The following SH2B2 variants were observed in gnomAD, a reference collection of about 807,000 sequenced individuals.
SH2B2 encodes the protein SH2B adapter protein 2.
In SH2B2, 37 loss-of-function variants were observed where a neutral mutation model predicts 35.7. The observed-to-expected ratio is 1.04, with a 90% CI of 0.80 to 1.36. The LOEUF (loss-of-function observed/expected upper bound fraction) is 1.36, where lower values mean the gene tolerates loss of function less well. Among genes scored for constraint, SH2B2 ranks in the 40% most tolerant of loss-of-function variants. The pLI, the probability that SH2B2 is intolerant of heterozygous loss-of-function variation, is 0.00. For missense variants in SH2B2, 852 were observed against 817.7 expected, an observed-to-expected ratio of 1.04 and a Z score of -0.51; for synonymous variants, 383 against 376.4, an observed-to-expected ratio of 1.02 and a Z score of -0.20.
intron 2 of SH2B2, among the ~76,000 whole-genome samples, chr7:102,305,811 G>A (rs1321768017): frequency 2.6e-5 from 4 of 151,996 alleles, no homozygotes; most frequent in African/African-American, 9.7e-5. Context: ...CTCAGGGCTT[G>A]GAGGTAGGAG....
chr7:102,304,652 C>T (rs1793321282), intron 2 of SH2B2, among the ~76,000 whole-genome samples: 1 of 152,186 alleles, frequency 6.6e-6, no homozygotes. Flanking sequence ...GGAAGCTGGA[C>T]CAGGACTGAC....
chr7:102,301,124 G>A lies in SH2B2; in HGVS notation c.574G>A (p.Val192Met). Reference protein sequence around the residue: ...SRTLAAKVELVDIQREGALRF... With the variant: ...SRTLAAKVELMDIQREGALRF... ...GACGCTGGCTGCCAAGGTGGAGCTGGTGGACATTCAACGCGAGGGGGCGCT... is the reference window on the plus strand; with the variant it reads ...GACGCTGGCTGCCAAGGTGGAGCTGATGGACATTCAACGCGAGGGGGCGCT... The change falls in exon 2 of 9, where the codon GTG (valine) becomes ATG (methionine). Residue 192 changes from valine (V) to methionine (M), a missense_variant. Around this residue, in one of 3 missense-constraint regions of SH2B2, gnomAD observed 556 missense variants for 514.5 expected, o/e 1.08. Transcript: ENST00000444095. 6.7e-7 allele frequency: 1 copy of A among 1,497,250 alleles called. No individual in the cohort carries two copies. Among genetic ancestry groups the A allele is most frequent in the Non-Finnish European group, 8.9e-7 (1 of 1,126,692 alleles). 92.7% of individuals were successfully genotyped at this position (1,497,250 alleles called of 1,614,324 possible).
rs146984382 is a variant in SH2B2, at chr7:102,306,164, G to A, written c.730-557G>A. Among the ~76,000 whole-genome samples the A allele has an allele frequency of 8.7e-3, 1,322 of 152,034 alleles. 26 individuals carry two copies. The highest frequency in any genetic ancestry group is 0.029 in the African/African-American group (1,215 of 41,472). ...TGCAATGGCGCAATCTCAGCTCACC[G>A]CAACCTCCGCCTCCTGGGTTCAAGC... On this transcript the variant is annotated intron_variant, in intron 2 of 8. Transcript: ENST00000444095.
intron 7 of SH2B2, 39 bp from the exon 8 acceptor site, chr7:102,320,292 C>T (rs781802982): frequency 3.8e-6 from 6 of 1,558,982 alleles, no homozygotes; most frequent in Non-Finnish European, 5.3e-6. Context: ...GGTGCCCAGC[C>T]CCGGACCTGC....
At chr7:102,300,028 C>G (rs1554553222) in intron 1 of SH2B2, among the ~76,000 whole-genome samples, 2 of 152,228 alleles carry the variant, frequency 1.3e-5, no homozygotes. Context: ...AGTGATTTTC[C>G]TGCCTTAGCC....
rs941206045 is a variant in SH2B2 at position 102,314,484 on chromosome 7, A to C, written c.1016-28A>C. ...ACACTCAGGGTGGACAGATAAAGAT[A>C]CGTGCATCTTACCTGCCACTTCCCC... On this transcript the variant is annotated intron_variant, in intron 5 of 8. Transcript: ENST00000444095. 1,181 of 398,642 alleles carry C rather than the reference A, an allele frequency of 3.0e-3. 2 individuals carry two copies. The highest frequency in any genetic ancestry group is 4.1e-3 in the Non-Finnish European group (930 of 226,166). The allele number at this position is 398,642 out of a possible 1,614,324, so 24.7% of individuals were successfully genotyped here.
upstream of SH2B2, chr7:102,285,229 A>G (rs1554550647): frequency 6.4e-7 from 1 of 1,551,148 alleles, no homozygotes; most frequent in Admixed American, 2.0e-5. Context: ...TCATCCCAGC[A>G]GTGGAGTTCA....
intron 7 of SH2B2, among the ~76,000 whole-genome samples, chr7:102,317,763 C>T (rs782526888): frequency 2.6e-5 from 4 of 152,176 alleles, no homozygotes; most frequent in South Asian, 2.1e-4. Flanking sequence ...ACCCAGAGAT[C>T]GCCCAGTGGG....
intron 1 of SH2B2, among the ~76,000 whole-genome samples, chr7:102,295,571 C>T (rs948922914): frequency 7.2e-5 from 11 of 152,140 alleles, no homozygotes; most frequent in African/African-American, 2.2e-4. Context: ...TTTTGCCCTG[C>T]GCACTCTCTG....
chr7:102,298,162 T>C (rs1341322322), intron 1 of SH2B2, among the ~76,000 whole-genome samples: 1 of 152,178 alleles, frequency 6.6e-6, no homozygotes, highest in African/African-American at 2.4e-5. Flanking sequence ...CTAGGGGCTG[T>C]GGATAGGGCT....
chr7:102,312,531 CCT>C (rs1208431789), intron 4 of SH2B2, among the ~76,000 whole-genome samples: 2 of 152,168 alleles, frequency 1.3e-5, no homozygotes, highest in East Asian at 1.9e-4. Flanking sequence ...TTCTTCTTGG[CCT>C]CTCTGAGTAG....
At chr7:102,316,358 C>A (rs1279030405) in intron 6 of SH2B2, among the ~76,000 whole-genome samples, 1 of 151,426 alleles carries the variant, frequency 6.6e-6, no homozygotes, top group East Asian at 2.0e-4. Flanking sequence ...GAGGCCAAGA[C>A]GGGCGGATTG....
At position 102,321,459 on chromosome 7, in the gene SH2B2, C is replaced by G. The variant is rs1358930234; in HGVS notation, c.1728C>G (p.Ala576=). 1 of 1,227,160 alleles carries G rather than the reference C, an allele frequency of 8.1e-7. No homozygotes were observed. Among genetic ancestry groups the G allele is most frequent in the Non-Finnish European group, 1.0e-6 (1 of 981,074 alleles). The allele number at this position is 1,227,160 out of a possible 1,614,324, so 76.0% of individuals were successfully genotyped here. ...CGTCTTCCGCCTCGTCGTCCTCTGCCGCGTCGGGGCCCGCCCCCCCGCGCC... is the reference window on the plus strand; with the variant it reads ...CGTCTTCCGCCTCGTCGTCCTCTGCGGCGTCGGGGCCCGCCCCCCCGCGCC... ...ASSSSASSSS[A]ASGPAPPRPV... Residue 576 remains alanine (A), a synonymous_variant, in exon 9 of 9, where the codon GCC becomes GCG. Coordinates refer to ENST00000444095, the MANE Select transcript of SH2B2 (RefSeq NM_001359228.2).
intron 2 of SH2B2, among the ~76,000 whole-genome samples, chr7:102,305,984 A>G (rs1793382334): frequency 8.1e-6 from 1 of 123,968 alleles, no homozygotes; most frequent in African/African-American, 3.9e-5. Context: ...AGCCTCGACC[A>G]CCTCCCCTGA....
At chr7:102,317,707 C>T (rs1333829771) in intron 7 of SH2B2, among the ~76,000 whole-genome samples, 1 of 152,178 alleles carries the variant, frequency 6.6e-6, no homozygotes, top group South Asian at 2.1e-4. Context: ...CCTTTCAGCT[C>T]CTGCGCGCGG....
intron 1 of SH2B2, among the ~76,000 whole-genome samples, chr7:102,291,229 G>C (rs549566007): frequency 1.3e-4 from 20 of 152,354 alleles, no homozygotes; most frequent in African/African-American, 4.6e-4. Context: ...GGCTTGTCAA[G>C]CTTGGGATGT....
intron 6 of SH2B2, among the ~76,000 whole-genome samples, chr7:102,315,178 G>A (rs1184271206): frequency 1.3e-5 from 2 of 148,976 alleles, no homozygotes; most frequent in Non-Finnish European, 3.0e-5. Context: ...GACAGAGTGA[G>A]ACTATGTCTC....
chr7:102,319,925 CT>C (rs1213025027), intron 7 of SH2B2, among the ~76,000 whole-genome samples: 9 of 152,102 alleles, frequency 5.9e-5, no homozygotes, highest in Non-Finnish European at 1.2e-4. Flanking sequence ...GCCTCCTGGG[CT>C]GGGGGAACCA....
At chr7:102,320,617 C>A in intron 8 of SH2B2, 115 bp downstream of exon 8, 1 of 1,340,910 alleles carries the variant, frequency 7.5e-7, no homozygotes. Context: ...ATAGCCTCAG[C>A]CGTGTCCCTC....
Sources: allele counts gnomAD v4.1 joint callset (sites outside exome capture counted in the v4.1 genomes callset), GRCh38; gene constraint gnomAD v4.1.1; regional missense constraint gnomAD v4.1.1; transcripts MANE v1.5; gene names NCBI Gene and HGNC (gene_info 2026-07-23, HGNC 2026-07-21).